ZNF541: variants seen among roughly 807,000 people sequenced by gnomAD.
ZNF541 encodes zinc finger protein 541.
In ZNF541, 23 loss-of-function variants were observed where a neutral mutation model predicts 123.5. The ratio of observed to expected loss-of-function variants is 0.19; its 90% confidence interval spans 0.13 to 0.26. The LOEUF (loss-of-function observed/expected upper bound fraction) is 0.26. Ranked by LOEUF, ZNF541 falls within the 10% of genes least tolerant of loss-of-function variation. The pLI is 1.00. For missense variants in ZNF541, 1,612 were observed against 1,789.9 expected (o/e 0.90, Z 1.79); for synonymous variants, 751 against 754.5 (o/e 1.00, Z 0.08).
chr19:47,524,472 G>A (rs182893235), intron 14 of ZNF541, among the ~76,000 whole-genome samples: 4 of 152,226 alleles, frequency 2.6e-5, no homozygotes, highest in African/African-American at 9.6e-5. Flanking sequence ...TTGGGAGGCC[G>A]AGGCAGGAGG....
chr19:47,538,973 C>G (rs1332896273), intron 8 of ZNF541, among the ~76,000 whole-genome samples: 3 of 152,160 alleles, frequency 2.0e-5, no homozygotes, highest in Non-Finnish European at 4.4e-5. Flanking sequence ...TCTGCCAGCC[C>G]TACTCCTCCT....
At chr19:47,541,004 G>A (rs999940461) in intron 5 of ZNF541, 53 bp from the exon 6 acceptor site, 1 of 1,505,032 alleles carries the variant, frequency 6.6e-7, no homozygotes, top group Middle Eastern at 1.7e-4. Flanking sequence ...GAGGCAAGAA[G>A]AGCTCAAATT....
At chr19:47,569,929 C>T (rs558129253) in intron 2 of ZNF541, among the ~76,000 whole-genome samples, 31 of 151,872 alleles carry the variant, frequency 2.0e-4, no homozygotes, top group Non-Finnish European at 3.8e-4. Flanking sequence ...AAGACTCCCT[C>T]CTATAGTCTT....
chr19:47,542,522 T>C (rs1271492923), intron 5 of ZNF541, among the ~76,000 whole-genome samples: 1 of 151,756 alleles, frequency 6.6e-6, no homozygotes, highest in African/African-American at 2.4e-5. Flanking sequence ...CATGGTGATG[T>C]GTGCCTGTAA....
intron 5 of ZNF541, among the ~76,000 whole-genome samples, chr19:47,542,814 C>T (rs1013502322): frequency 4.6e-5 from 7 of 151,442 alleles, no homozygotes; most frequent in South Asian, 2.1e-4. Flanking sequence ...GATGTGGTGG[C>T]GCATGCCTGT....
chr19:47,526,004 A>C (rs889796412), intron 14 of ZNF541, among the ~76,000 whole-genome samples: 3 of 152,092 alleles, frequency 2.0e-5, no homozygotes, highest in African/African-American at 7.2e-5. Context: ...CTTAGATACA[A>C]CACCAAAAGC....
At chr19:47,523,678 G>A (rs774640063) in intron 14 of ZNF541, among the ~76,000 whole-genome samples, 1 of 152,296 alleles carries the variant, frequency 6.6e-6, no homozygotes, top group African/African-American at 2.4e-5. Flanking sequence ...AGTGAACCCT[G>A]ACAGGAAGCA....
At position 47,529,551 on chromosome 19, in the gene ZNF541, C is replaced by T. The variant is rs1168306923; in HGVS notation, c.3481+26G>A. The T allele has an allele frequency of 2.6e-6, 4 of 1,551,050 alleles. No individual in the cohort carries two copies. In the African/African-American group the frequency reaches 5.5e-5, roughly 21 times the overall value. On this transcript the variant is annotated intron_variant, in intron 13 of 16. Coordinates refer to ENST00000391901, the MANE Select transcript of ZNF541 (RefSeq NM_001277075.3). ...TCATAGGGGTCTCAGCTGGGCCAAA[C>T]CAGCTCAGCAGCCTTTCCCCGTCAC...
At chr19:47,523,403 A>G (rs2122848745) in intron 14 of ZNF541, among the ~76,000 whole-genome samples, 1 of 151,966 alleles carries the variant, frequency 6.6e-6, no homozygotes, top group South Asian at 2.1e-4. Flanking sequence ...TTCTTGGGAA[A>G]TTAAATCGGC....
At chr19:47,562,228 G>A (rs1476329637) in intron 2 of ZNF541, among the ~76,000 whole-genome samples, 3 of 151,682 alleles carry the variant, frequency 2.0e-5, no homozygotes, top group South Asian at 2.1e-4. Context: ...CAGCCTGGGC[G>A]ACAGAGACTG....
At chr19:47,534,345 CAGAA>C (rs1202370612) in intron 9 of ZNF541, among the ~76,000 whole-genome samples, 2 of 151,964 alleles carry the variant, frequency 1.3e-5, no homozygotes, top group African/African-American at 4.8e-5. Context: ...GAGAAAGAGA[CAGAA>C]AGAAATATCT....
chr19:47,553,083 T>C (rs1316617909), intron 3 of ZNF541, among the ~76,000 whole-genome samples: 1 of 151,692 alleles, frequency 6.6e-6, no homozygotes, highest in Non-Finnish European at 1.5e-5. Flanking sequence ...CACTCTAACC[T>C]GGTGACAGAG....
At position 47,555,888 on chromosome 19, in the gene ZNF541, T is replaced by G; in HGVS notation, c.-32A>C. 1.3e-6 allele frequency: 2 copies of G among 1,524,806 alleles called. No individual in the cohort carries two copies. The highest frequency in any genetic ancestry group is 1.8e-6 in the Non-Finnish European group (2 of 1,131,822). The allele number at this position is 1,524,806 out of a possible 1,614,324, so 94.5% of individuals were successfully genotyped here. A position where few individuals can be genotyped will look rare whatever the true frequency, so the allele number is the denominator to read the frequency against. On this transcript the variant is annotated 5_prime_UTR_variant, in exon 3 of 17. Transcript: ENST00000391901. ...CCACTGCCAGGTCTTGGCCAAAAGC[T>G]ACTCTCCAGATAAGCAAAACCATGT...
chr19:47,539,793 G>T lies in ZNF541; in HGVS notation c.2708C>A (p.Pro903His). ...DRHSPPGTKK[P>H]LDPTAAAPLV... Reference sequence around the variant, plus strand: ...AGGGGCTGCAGCTGTGGGGTCCAAGGGCTTCTTGGTTCCTGGGGGACTATG... The same window carrying T: ...AGGGGCTGCAGCTGTGGGGTCCAAGTGCTTCTTGGTTCCTGGGGGACTATG... The change falls in exon 8 of 17, where the codon CCC becomes CAC. Residue 903 changes from proline to histidine, a missense_variant. Pro to His is a moderately conservative substitution (Grantham distance 77, BLOSUM62 -2). Transcript: ENST00000391901. 6.7e-7 allele frequency: 1 copy of T among 1,486,466 alleles called. No individual in the cohort carries two copies. Among genetic ancestry groups the T allele is most frequent in the Non-Finnish European group, 8.9e-7 (1 of 1,126,436 alleles). 92.1% of individuals were successfully genotyped at this position (1,486,466 alleles called of 1,614,324 possible). A position where few individuals can be genotyped will look rare whatever the true frequency, so the allele number is the denominator to read the frequency against.
chr19:47,532,079 G>A, intron 11 of ZNF541, 49 bp downstream of exon 11: 2 of 1,543,540 alleles, frequency 1.3e-6, no homozygotes, highest in Non-Finnish European at 1.8e-6. Flanking sequence ...CCCTGGAAAT[G>A]GAGGGGGAAG....
chr19:47,526,967 A>T (rs141433953), intron 14 of ZNF541, among the ~76,000 whole-genome samples: 1 of 152,356 alleles, frequency 6.6e-6, no homozygotes, highest in East Asian at 1.9e-4. Context: ...AAACCGTGGT[A>T]CATCCACCCA....
At chr19:47,541,116 C>A in intron 5 of ZNF541, 165 bp from the exon 6 acceptor site, 1 of 622,364 alleles carries the variant, frequency 1.6e-6, no homozygotes, top group Non-Finnish European at 2.7e-6. Context: ...AATTAGACTT[C>A]ATCAAAATGT....
In ZNF541 at chr19:47,538,419, C is replaced by T; in HGVS notation, c.2817G>A (p.Glu939=). ...SMAMGQEKDG[E]ERDSKESSQQ... ...GGCTGCTCTCCTTGCTGTCTCGCTCCTCCCCGTCTTTCTCTTGTCCCTGAA... is the reference window on the plus strand; with the variant it reads ...GGCTGCTCTCCTTGCTGTCTCGCTCTTCCCCGTCTTTCTCTTGTCCCTGAA... Residue 939 remains glutamate (E), a synonymous_variant, in exon 9 of 17, where the codon GAG becomes GAA. Coordinates refer to ENST00000391901, the MANE Select transcript of ZNF541 (RefSeq NM_001277075.3). 1 of 1,527,556 alleles carries T rather than the reference C, an allele frequency of 6.5e-7. No individual in the cohort carries two copies. The highest frequency in any genetic ancestry group is 8.8e-7 in the Non-Finnish European group (1 of 1,135,100). The allele number at this position is 1,527,556 out of a possible 1,614,324, so 94.6% of individuals were successfully genotyped here.
rs1025819964 is a variant in ZNF541, at chr19:47,540,015, C to T, written c.2623-137G>A. 6 of 1,418,522 alleles carry T rather than the reference C, an allele frequency of 4.2e-6. No homozygotes were observed. In the African/African-American group the frequency reaches 8.7e-5, roughly 21 times the overall value. The allele number at this position is 1,418,522 out of a possible 1,614,324, so 87.9% of individuals were successfully genotyped here. A position where few individuals can be genotyped will look rare whatever the true frequency, so the allele number is the denominator to read the frequency against. ...GGACCAAGCTGGAGAGCTGCTGCAG[C>T]CCATGGCAATGGCCTGCCCCTGGAG... On this transcript the variant is annotated intron_variant, in intron 7 of 16. Transcript: ENST00000391901.
Sources: allele counts gnomAD v4.1 joint callset (sites outside exome capture counted in the v4.1 genomes callset), GRCh38; gene constraint gnomAD v4.1.1; transcripts MANE v1.5; gene names NCBI Gene and HGNC (gene_info 2026-07-23, HGNC 2026-07-21).